ZNF263: variants seen among roughly 807,000 people sequenced by gnomAD.
ZNF263 encodes the protein zinc finger protein FPM315.
In ZNF263, 49 loss-of-function variants were observed where a neutral mutation model predicts 63.1. The ratio of observed to expected loss-of-function variants is 0.78; its 90% CI spans 0.62 to 0.99. ZNF263 has a LOEUF of 0.99. ZNF263 is among the 50% of genes least tolerant of loss of function. The pLI is 0.00. For synonymous variants in ZNF263, 352 were observed against 324.2 expected (o/e 1.09, Z -0.92); for missense variants, 872 against 854.8 (o/e 1.02, Z -0.25).
At position 3,285,259 on chromosome 16, in the gene ZNF263, G is replaced by T. The variant is rs756814159; in HGVS notation, c.568+20G>T. 4 of 1,599,168 alleles carry T rather than the reference G, an allele frequency of 2.5e-6. No individual in the cohort carries two copies. Among genetic ancestry groups the T allele is most frequent in the Non-Finnish European group, 3.4e-6 (4 of 1,170,956 alleles). ...AGAGGGGTGAGGCACAGTTATCTGG[G>T]CAGGTGGGAGGGAGGAGGGGCTTGG... On this transcript the variant is annotated intron_variant, in intron 2 of 5. Transcript: ENST00000219069.
At chr16:3,285,011 T>G in intron 1 of ZNF263, 48 bp from the exon 2 acceptor site, 1 of 1,603,728 alleles carries the variant, frequency 6.2e-7, no homozygotes, top group South Asian at 1.1e-5. Flanking sequence ...TAATTTCCCT[T>G]CCTCTTGGGC....
intron 1 of ZNF263, among the ~76,000 whole-genome samples, chr16:3,297,589 C>T (rs1378349939): frequency 6.6e-6 from 1 of 151,070 alleles, no homozygotes; most frequent in Non-Finnish European, 1.5e-5. Flanking sequence ...CTCAGCCTCC[C>T]GAGTAGCTGG....
At chr16:3,294,961 C>G (rs1179019603), downstream of ZNF263, among the ~76,000 whole-genome samples, 1 of 152,162 alleles carries the variant, frequency 6.6e-6, no homozygotes, top group Admixed American at 6.5e-5. Context: ...TTCAGGGAGG[C>G]CAGTTCCCCA....
Position 3,290,166 on chromosome 16 carries a change from G to A in ZNF263, c.1660G>A (p.Ala554Thr). ...TTACCCCTTCTCTGAGTGTGGGGAA[G>A]CTGTGAGTGACAGCACCCCCTTTCT... is the stretch of plus-strand genomic sequence containing the variant. Reference protein sequence around the residue: ...RLYPFSECGEAVSDSTPFLTN... With the variant: ...RLYPFSECGETVSDSTPFLTN... Residue 554 changes from alanine (A) to threonine (T), a missense_variant, in exon 6 of 6, where the codon GCT (alanine) becomes ACT (threonine). By Grantham distance (58) the Ala-to-Thr change is moderately conservative. Coordinates refer to ENST00000219069, the MANE Select transcript of ZNF263 (RefSeq NM_005741.5). The A allele has an allele frequency of 3.1e-6, 5 of 1,614,160 alleles. No individual in the cohort carries two copies. The highest frequency in any genetic ancestry group is 4.2e-6 in the Non-Finnish European group (5 of 1,180,028).
downstream of ZNF263, chr16:3,293,301 A>G (rs1483588039): frequency 2.0e-5 from 3 of 152,208 alleles, no homozygotes; most frequent in Non-Finnish European, 4.4e-5. Flanking sequence ...CACCTTGTGA[A>G]GAAGGTACCT....
chr16:3,284,236 G>A (rs1286696815), intron 1 of ZNF263, 31 bp downstream of exon 1: 6 of 1,504,288 alleles, frequency 4.0e-6, no homozygotes, highest in East Asian at 2.3e-5. Flanking sequence ...TTTTATCTGT[G>A]GTTTGTTTAG....
At chr16:3,286,801 C>T (rs1388182518) in intron 4 of ZNF263, 3 of 152,188 alleles carry the variant, frequency 2.0e-5, no homozygotes, top group African/African-American at 7.2e-5. Context: ...GGAGGATATG[C>T]TTGTATTTAT....
At chr16:3,285,294 C>G (rs898510791) in intron 2 of ZNF263, 55 bp downstream of exon 2, 16 of 1,530,904 alleles carry the variant, frequency 1.0e-5, no homozygotes, top group Admixed American at 4.0e-5. Flanking sequence ...GGGGTTGCCC[C>G]CGACACTAGC....
chr16:3,283,913 A>G lies in ZNF263; in HGVS notation c.95A>G (p.Asp32Gly). Reference protein sequence around the residue: ...CAWSQELPPPDPGPSPEASHL... With the variant: ...CAWSQELPPPGPGPSPEASHL... Reference sequence around the variant, plus strand: ...TGGAGCCAGGAGCTGCCCCCACCTGACCCAGGACCGAGCCCCGAGGCCTCC... The same window carrying G: ...TGGAGCCAGGAGCTGCCCCCACCTGGCCCAGGACCGAGCCCCGAGGCCTCC... The change falls in exon 1 of 6, where the codon GAC (aspartate) becomes GGC (glycine). Residue 32 changes from aspartate to glycine, a missense_variant. Coordinates refer to ENST00000219069, the MANE Select transcript of ZNF263 (RefSeq NM_005741.5). The G allele has an allele frequency of 6.2e-7, 1 of 1,613,332 alleles. No individual in the cohort carries two copies. Among genetic ancestry groups the G allele is most frequent in the Non-Finnish European group, 8.5e-7 (1 of 1,179,924 alleles).
Position 3,286,094 on chromosome 16 carries a change from G to C in ZNF263, c.714G>C (p.Lys238Asn). ...QEEWGHQDPS[K>N]RALSRDTVQE... Reference sequence around the variant, plus strand: ...AGTGGGGGCATCAGGATCCTAGTAAGAGGGCCCTCTCCAGGGACACGGTGC... The same window carrying C: ...AGTGGGGGCATCAGGATCCTAGTAACAGGGCCCTCTCCAGGGACACGGTGC... Residue 238 changes from lysine to asparagine, a missense_variant, in exon 4 of 6, where the codon AAG becomes AAC. Transcript: ENST00000219069. 1 of 1,611,850 alleles carries C rather than the reference G, an allele frequency of 6.2e-7. No individual in the cohort carries two copies. The highest frequency in any genetic ancestry group is 2.2e-5 in the East Asian group (1 of 44,878).
chr16:3,300,643 G>A, intron 2 of ZNF263: 12 of 1,518,254 alleles, frequency 7.9e-6, no homozygotes, highest in South Asian at 4.1e-5. Context: ...CCACCAACAG[G>A]AGAAAACAAA....
chr16:3,285,819 G>C (rs1959329789), intron 3 of ZNF263, 65 bp downstream of exon 3: 2 of 1,583,628 alleles, frequency 1.3e-6, no homozygotes, highest in African/African-American at 2.7e-5. Context: ...GGGGGTGGGG[G>C]TTCTCCATGT....
At position 3,290,046 on chromosome 16, in the gene ZNF263, G is replaced by C; in HGVS notation, c.1540G>C (p.Gly514Arg). The change falls in exon 6 of 6, where the codon GGA becomes CGA. Residue 514 changes from glycine (G) to arginine (R), a missense_variant. Gly to Arg is a moderately radical substitution (Grantham distance 125). Transcript: ENST00000219069. ...NLLRHQRIHT[G>R]ERPYKCPECG... ...CCTTCGGCACCAGAGAATTCACACT[G>C]GAGAGCGACCTTATAAGTGTCCCGA... is the stretch of plus-strand genomic sequence containing the variant. 1.2e-6 allele frequency: 2 copies of C among 1,614,172 alleles called. No homozygotes were observed. Among genetic ancestry groups the C allele is most frequent in the Admixed American group, 1.7e-5 (1 of 60,026 alleles).
chr16:3,290,127 G>C lies in ZNF263; in HGVS notation c.1621G>C (p.Glu541Gln). The change falls in exon 6 of 6, where the codon GAG becomes CAG. Residue 541 changes from glutamate (E) to glutamine (Q), a missense_variant. Coordinates refer to ENST00000219069, the MANE Select transcript of ZNF263 (RefSeq NM_005741.5). ...CCTCGTCATTCACGAAAGAACTCATGAGAGAGAGAGACTTTACCCCTTCTC... is the reference window on the plus strand; with the variant it reads ...CCTCGTCATTCACGAAAGAACTCATCAGAGAGAGAGACTTTACCCCTTCTC... ...SHLVIHERTH[E>Q]RERLYPFSEC... 6.2e-7 allele frequency: 1 copy of C among 1,613,716 alleles called. No homozygotes were observed. Among genetic ancestry groups the C allele is most frequent in the Non-Finnish European group, 8.5e-7 (1 of 1,179,870 alleles).
rs1398632189 is a variant in ZNF263 at position 3,291,379 on chromosome 16, G to A, written c.*821G>A. The A allele has an allele frequency of 2.0e-6, 2 of 985,270 alleles. No homozygotes were observed. The highest frequency in any genetic ancestry group is 2.4e-6 in the Non-Finnish European group (2 of 829,902). 61.0% of individuals were successfully genotyped at this position (985,270 alleles called of 1,614,324 possible). On this transcript the variant is annotated 3_prime_UTR_variant, in exon 6 of 6. Transcript: ENST00000219069. ...AGATTCCCTGGAAAATTGAAAATGT[G>A]AATCCTAGGGGGAAATTGGGGATTG...
intron 2 of ZNF263, chr16:3,300,683 A>G: frequency 7.3e-6 from 11 of 1,515,830 alleles, no homozygotes; most frequent in South Asian, 1.4e-5. Flanking sequence ...TGGCAAAAAA[A>G]AAACCCACAT....
chr16:3,299,566 C>G (rs997234848), intron 2 of ZNF263: 8 of 1,534,630 alleles, frequency 5.2e-6, no homozygotes, highest in Non-Finnish European at 4.4e-6. Context: ...TATTACAAGA[C>G]TCTCTTCAAG....
intron 1 of ZNF263, among the ~76,000 whole-genome samples, chr16:3,297,938 G>T (rs1959806448): frequency 6.6e-6 from 1 of 152,152 alleles, no homozygotes; most frequent in African/African-American, 2.4e-5. Context: ...CAAAAACTAA[G>T]AGCTTAACAA....
At chr16:3,285,386 G>A (rs778778677) in intron 2 of ZNF263, 147 bp downstream of exon 2, 3 of 1,025,718 alleles carry the variant, frequency 2.9e-6, no homozygotes, top group Non-Finnish European at 4.2e-6. Flanking sequence ...GCAGTTGGTG[G>A]TGTGGGTTCT....
Sources: allele counts gnomAD v4.1 joint callset (sites outside exome capture counted in the v4.1 genomes callset), GRCh38; gene constraint gnomAD v4.1.1; transcripts MANE v1.5; gene names NCBI Gene and HGNC (gene_info 2026-07-23, HGNC 2026-07-21).